Variants in UNC5C observed in about 807,000 individuals in gnomAD.
UNC5C encodes unc-5 netrin receptor C.
In UNC5C, 47 loss-of-function variants were observed where a neutral mutation model predicts 99.8. That is an observed-to-expected ratio of 0.47 (90% CI 0.37 to 0.60). UNC5C has a LOEUF of 0.60. Ranked by LOEUF, UNC5C falls within the 20% of genes least tolerant of loss-of-function variation. UNC5C has a pLI of 0.00. For synonymous variants in UNC5C, 487 were observed against 452.2 expected, an observed-to-expected ratio of 1.08 and a Z score of -0.98; for missense variants, 1,062 against 1,165.9, an observed-to-expected ratio of 0.91 and a Z score of 1.30.
intron 1 of UNC5C, among the ~76,000 whole-genome samples, chr4:95,458,080 G>A (rs573737853): frequency 7.4e-4 from 113 of 152,098 alleles, no homozygotes; most frequent in Admixed American, 1.4e-3. Context: ...CATTTCCTCC[G>A]TCACTTAAAT....
chr4:95,294,837 T>C (rs1741615504), intron 3 of UNC5C, among the ~76,000 whole-genome samples: 1 of 152,234 alleles, frequency 6.6e-6, no homozygotes, highest in Non-Finnish European at 1.5e-5. Context: ...TTGCACTGTG[T>C]CTGGCACTAT....
chr4:95,168,098 G>A lies in UNC5C; in HGVS notation c.*1136C>T, dbSNP rs937944544. 2 of 152,136 alleles carry A rather than the reference G, an allele frequency of 1.3e-5. No homozygotes were observed. Among genetic ancestry groups the A allele is most frequent in the Admixed American group, 6.5e-5 (1 of 15,276 alleles). The allele number at this position is 152,136 out of a possible 1,614,324, so 9.4% of individuals were successfully genotyped here. ...GAGTAGAGCACCATAGGGAGTCGAC[G>A]TGGGGCCACACAACGGCAATATTAA... On this transcript the variant is annotated 3_prime_UTR_variant, in exon 16 of 16. Transcript: ENST00000453304.
At chr4:95,541,230 G>T (rs147692423) in intron 1 of UNC5C, among the ~76,000 whole-genome samples, 3 of 152,108 alleles carry the variant, frequency 2.0e-5, no homozygotes, top group African/African-American at 7.2e-5. Context: ...CAAACAATTC[G>T]TAAGTTTTAA....
intron 1 of UNC5C, among the ~76,000 whole-genome samples, chr4:95,379,325 T>A (rs1387788278): frequency 6.6e-6 from 1 of 152,106 alleles, no homozygotes; most frequent in Non-Finnish European, 1.5e-5. Context: ...TATTGGAAAA[T>A]TTGCTAAAAT....
At chr4:95,442,506 C>T (rs570052889) in intron 1 of UNC5C, among the ~76,000 whole-genome samples, 1 of 151,104 alleles carries the variant, frequency 6.6e-6, no homozygotes, top group Non-Finnish European at 1.5e-5. Context: ...TCAAGCCCGC[C>T]TGTTTTTTAG....
At chr4:95,311,041 A>G (rs1207470647) in intron 2 of UNC5C, among the ~76,000 whole-genome samples, 1 of 152,158 alleles carries the variant, frequency 6.6e-6, no homozygotes, top group Non-Finnish European at 1.5e-5. Context: ...AACTAACATC[A>G]AACTTAGAGT....
chr4:95,535,400 G>T (rs1411534023), intron 1 of UNC5C, among the ~76,000 whole-genome samples: 1 of 152,072 alleles, frequency 6.6e-6, no homozygotes, highest in Non-Finnish European at 1.5e-5. Flanking sequence ...TCATAGTAAC[G>T]TCAAGTGAAA....
At chr4:95,231,098 A>G (rs886822034) in intron 7 of UNC5C, among the ~76,000 whole-genome samples, 1 of 152,134 alleles carries the variant, frequency 6.6e-6, no homozygotes, top group Non-Finnish European at 1.5e-5. Context: ...TTAAACTACC[A>G]TATAAGATAT....
Position 95,548,921 on chromosome 4 carries a change from C to T in UNC5C, c.-64G>A. 2 of 1,589,074 alleles carry T rather than the reference C, an allele frequency of 1.3e-6. No homozygotes were observed. The highest frequency in any genetic ancestry group is 2.3e-5 in the South Asian group (2 of 88,512). Reference sequence around the variant, plus strand: ...GAGAGACGCGCAAACAGCTGAAAGCCCCACTGGGCAGAAGCTGAATCCGTG... The same window carrying T: ...GAGAGACGCGCAAACAGCTGAAAGCTCCACTGGGCAGAAGCTGAATCCGTG... On this transcript the variant is annotated 5_prime_UTR_variant, in exon 1 of 16. Coordinates refer to ENST00000453304, the MANE Select transcript of UNC5C (RefSeq NM_003728.4).
intron 3 of UNC5C, among the ~76,000 whole-genome samples, chr4:95,283,431 C>T (rs1741129092): frequency 6.6e-6 from 1 of 152,246 alleles, no homozygotes; most frequent in African/African-American, 2.4e-5. Context: ...CGTAAAACCT[C>T]CTCTCTGGCT....
intron 11 of UNC5C, among the ~76,000 whole-genome samples, chr4:95,205,094 A>G (rs1016899832): frequency 3.3e-5 from 5 of 152,142 alleles, no homozygotes; most frequent in African/African-American, 4.8e-5. Flanking sequence ...AAAGCTTCCT[A>G]GAAGACATGG....
chr4:95,429,451 G>T (rs1177126006), intron 1 of UNC5C, among the ~76,000 whole-genome samples: 1 of 151,736 alleles, frequency 6.6e-6, no homozygotes, highest in Non-Finnish European at 1.5e-5. Flanking sequence ...TCCAGATCAA[G>T]AAATTAACTA....
chr4:95,316,920 A>T (rs143756546), intron 2 of UNC5C, among the ~76,000 whole-genome samples: 1 of 151,872 alleles, frequency 6.6e-6, no homozygotes, highest in Non-Finnish European at 1.5e-5. Flanking sequence ...AAAAAGAAAA[A>T]TAATGACAGA....
chr4:95,478,696 A>T (rs1356185547), intron 1 of UNC5C, among the ~76,000 whole-genome samples: 1 of 151,786 alleles, frequency 6.6e-6, no homozygotes, highest in African/African-American at 2.4e-5. Context: ...GATACAATTG[A>T]CTCTAATGTC....
intron 1 of UNC5C, among the ~76,000 whole-genome samples, chr4:95,524,068 A>C (rs1406610067): frequency 6.6e-6 from 1 of 152,196 alleles, no homozygotes; most frequent in Non-Finnish European, 1.5e-5. Context: ...GATTCAATAC[A>C]CGTTTAAAAA....
intron 4 of UNC5C, among the ~76,000 whole-genome samples, chr4:95,270,807 G>C (rs752569283): frequency 1.7e-4 from 26 of 152,112 alleles, no homozygotes; most frequent in Non-Finnish European, 3.2e-4. Flanking sequence ...TCCGTAAAAG[G>C]CTAACTTTTA....
chr4:95,533,454 AATG>A (rs1351945368), intron 1 of UNC5C, among the ~76,000 whole-genome samples: 2 of 151,842 alleles, frequency 1.3e-5, no homozygotes, highest in East Asian at 1.9e-4. Flanking sequence ...TAATATTTTA[AATG>A]ATAAAATAAT....
intron 1 of UNC5C, among the ~76,000 whole-genome samples, chr4:95,510,788 G>A (rs1405317325): frequency 1.3e-5 from 2 of 152,114 alleles, no homozygotes; most frequent in East Asian, 3.9e-4. Context: ...TCCATAGAAT[G>A]GGAGTTTAAT....
intron 4 of UNC5C, among the ~76,000 whole-genome samples, chr4:95,258,502 G>C (rs1333147068): frequency 1.3e-5 from 2 of 152,064 alleles, no homozygotes; most frequent in East Asian, 1.9e-4. Context: ...ACCATGACTT[G>C]TTGTCATGGT....
Sources: allele counts gnomAD v4.1 joint callset (sites outside exome capture counted in the v4.1 genomes callset), GRCh38; gene constraint gnomAD v4.1.1; transcripts MANE v1.5; gene names NCBI Gene and HGNC (gene_info 2026-07-23, HGNC 2026-07-21).